Variants in CNTN4 observed in about 807,000 individuals in gnomAD.
CNTN4 encodes the protein contactin 4, also known as contactin-4.
CNTN4 carries 77 observed loss-of-function variants against 122.5 expected under a neutral mutation model. That is an observed-to-expected ratio of 0.63 (90% CI 0.52 to 0.76). The LOEUF (loss-of-function observed/expected upper bound fraction) is 0.76, where lower values mean the gene tolerates loss of function less well. Ranked by LOEUF, CNTN4 falls within the 30% of genes least tolerant of loss-of-function variation. The pLI is 0.00. For synonymous variants in CNTN4, 512 were observed against 447.0 expected (o/e 1.15, Z -1.83); for missense variants, 1,256 against 1,259.1 (o/e 1.00, Z 0.04).
At chr3:2,364,259 T>G (rs1439836684) in intron 3 of CNTN4, among the ~76,000 whole-genome samples, 2 of 152,216 alleles carry the variant, frequency 1.3e-5, no homozygotes, top group African/African-American at 4.8e-5. Context: ...GAAATAATAT[T>G]TATCTCAGAG....
intron 2 of CNTN4, among the ~76,000 whole-genome samples, chr3:2,189,280 G>A (rs13324989): frequency 0.27 from 41,214 of 151,964 alleles, 5,855 homozygotes; most frequent in East Asian, 0.46. Flanking sequence ...AAAACACAAT[G>A]TGAGGAGGTA....
intron 3 of CNTN4, chr3:2,362,138 A>C (rs2150553619): frequency 6.4e-6 from 1 of 155,848 alleles, no homozygotes; most frequent in South Asian, 1.9e-4. Context: ...GCAGCAGTTA[A>C]GGAGAGTGGC....
At chr3:2,631,463 T>C (rs902162579) in intron 4 of CNTN4, among the ~76,000 whole-genome samples, 1 of 152,084 alleles carries the variant, frequency 6.6e-6, no homozygotes, top group Non-Finnish European at 1.5e-5. Context: ...AGAGTTACCA[T>C]GTACTATACA....
At chr3:2,446,028 C>G (rs1385264135) in intron 3 of CNTN4, among the ~76,000 whole-genome samples, 9 of 152,164 alleles carry the variant, frequency 5.9e-5, no homozygotes, top group African/African-American at 2.2e-4. Flanking sequence ...GCTAGCTGTT[C>G]AATGACTAGA....
At chr3:2,715,070 C>G (rs1419826777) in intron 4 of CNTN4, among the ~76,000 whole-genome samples, 1 of 152,130 alleles carries the variant, frequency 6.6e-6, no homozygotes, top group Non-Finnish European at 1.5e-5. Flanking sequence ...TTGTTGATAT[C>G]TCTTGTTTTT....
chr3:2,426,582 CATAAAA>C (rs1290642729), intron 3 of CNTN4, among the ~76,000 whole-genome samples: 4 of 152,148 alleles, frequency 2.6e-5, no homozygotes, highest in Non-Finnish European at 5.9e-5. Context: ...ATGCTGGCCT[CATAAAA>C]TGAGTTAGGG....
At chr3:2,147,946 G>T (rs575176483) in intron 2 of CNTN4, among the ~76,000 whole-genome samples, 1 of 152,180 alleles carries the variant, frequency 6.6e-6, no homozygotes, top group African/African-American at 2.4e-5. Flanking sequence ...CAAATTCCTT[G>T]TCTGTTTCAT....
At chr3:2,102,023 C>T (rs888276577) in intron 2 of CNTN4, among the ~76,000 whole-genome samples, 1 of 152,182 alleles carries the variant, frequency 6.6e-6, no homozygotes, top group Non-Finnish European at 1.5e-5. Flanking sequence ...GTTTTCCTCT[C>T]ATGGACTCAT....
intron 2 of CNTN4, among the ~76,000 whole-genome samples, chr3:2,337,598 G>A (rs1368475440): frequency 6.6e-6 from 1 of 152,042 alleles, no homozygotes; most frequent in African/African-American, 2.4e-5. Context: ...CACATGATTA[G>A]TAATAAATTG....
At chr3:2,679,033 C>A (rs561558648) in intron 4 of CNTN4, among the ~76,000 whole-genome samples, 39 of 152,256 alleles carry the variant, frequency 2.6e-4, no homozygotes, top group African/African-American at 9.4e-4. Flanking sequence ...TTTCAGTTCA[C>A]TGAATGTTCT....
At chr3:2,628,650 C>T (rs1200947091) in intron 4 of CNTN4, among the ~76,000 whole-genome samples, 1 of 152,100 alleles carries the variant, frequency 6.6e-6, no homozygotes, top group African/African-American at 2.4e-5. Flanking sequence ...GCTCTCTATT[C>T]TCTCAATTTA....
intron 3 of CNTN4, among the ~76,000 whole-genome samples, chr3:2,514,578 A>G (rs1485894346): frequency 7.9e-5 from 12 of 152,200 alleles, no homozygotes; most frequent in Admixed American, 7.9e-4. Flanking sequence ...GCATTGTCAA[A>G]GTATACACTC....
rs1393191856 is a variant in CNTN4 at position 2,709,945 on chromosome 3, A to G, written c.56-26270A>G. Among the ~76,000 whole-genome samples, 1 of 152,124 alleles carries G rather than the reference A, an allele frequency of 6.6e-6. No individual in the cohort carries two copies. The highest frequency in any genetic ancestry group is 1.5e-5 in the Non-Finnish European group (1 of 68,012). On this transcript the variant is annotated intron_variant, in intron 4 of 24. Transcript: ENST00000418658. The surrounding 1 kb of genome is among the most constrained non-coding windows in gnomAD (Gnocchi z 5.0). ...AAAATAAGAATAAACTCCAAAGAGC[A>G]TGTTTCCACACTTAATGCTTATTGC...
chr3:2,891,890 G>C (rs2094045606), intron 10 of CNTN4, among the ~76,000 whole-genome samples: 1 of 152,282 alleles, frequency 6.6e-6, no homozygotes, highest in Admixed American at 6.5e-5. Flanking sequence ...GTGGTGAATG[G>C]ATGATTGGAA....
intron 4 of CNTN4, among the ~76,000 whole-genome samples, chr3:2,689,274 T>C (rs146135209): frequency 6.6e-6 from 1 of 152,260 alleles, no homozygotes; most frequent in Non-Finnish European, 1.5e-5. Context: ...ATTCCCATTG[T>C]CACATCCCAA....
intron 12 of CNTN4, among the ~76,000 whole-genome samples, chr3:2,923,193 C>T (rs752322020): frequency 7.9e-5 from 12 of 151,928 alleles, no homozygotes; most frequent in African/African-American, 2.7e-4. Context: ...GAAAAATGTC[C>T]GCCTAAAGTG....
At position 2,781,801 on chromosome 3, in the gene CNTN4, T is replaced by C. The variant is rs994005729; in HGVS notation, c.358+36104T>C. 7.4e-4 allele frequency among the ~76,000 whole-genome samples: 97 copies of C among 131,864 alleles called. 5 individuals carry two copies. The highest frequency in any genetic ancestry group is 2.9e-3 in the African/African-American group (86 of 29,372). The allele number at this position is 131,864 out of a possible 152,430, so 86.5% of individuals were successfully genotyped here. A position where few individuals can be genotyped will look rare whatever the true frequency, so the allele number is the denominator to read the frequency against. ...GGGCAGTAGCGCGATCTCTGCTCAC[T>C]GCAACCTCCGCCTCCCGGGTTCCCG... On this transcript the variant is annotated intron_variant, in intron 6 of 24. Coordinates refer to ENST00000418658, the MANE Select transcript of CNTN4 (RefSeq NM_175607.3).
intron 4 of CNTN4, among the ~76,000 whole-genome samples, chr3:2,649,208 A>T (rs943427374): frequency 3.3e-5 from 5 of 152,230 alleles, no homozygotes; most frequent in African/African-American, 1.2e-4. Context: ...TAAGATAATT[A>T]ATAAAGGTGG....
intron 11 of CNTN4, among the ~76,000 whole-genome samples, chr3:2,902,131 C>T (rs139769937): frequency 1.3e-4 from 20 of 152,220 alleles, no homozygotes; most frequent in South Asian, 8.3e-4. Flanking sequence ...CACAACCCTG[C>T]GGCAAACAGA....
Sources: allele counts gnomAD v4.1 joint callset (sites outside exome capture counted in the v4.1 genomes callset), GRCh38; gene constraint gnomAD v4.1.1; non-coding constraint Gnocchi (gnomAD v3.1); transcripts MANE v1.5; gene names NCBI Gene and HGNC (gene_info 2026-07-23, HGNC 2026-07-21).